The following COG6 variants were observed in gnomAD, a reference collection of about 807,000 sequenced individuals.
COG6 encodes conserved oligomeric Golgi complex subunit 6.
COG6 carries 74 observed loss-of-function variants against 88.8 expected under a neutral mutation model. That is an observed-to-expected ratio of 0.83 (90% CI 0.69 to 1.01). The LOEUF (loss-of-function observed/expected upper bound fraction) is 1.01, where lower values mean the gene tolerates loss of function less well. Ranked by LOEUF, COG6 falls within the 50% of genes least tolerant of loss-of-function variation. The pLI, the probability that COG6 is intolerant of heterozygous loss-of-function variation, is 0.00. For synonymous variants in COG6, 286 were observed against 278.7 expected, an observed-to-expected ratio of 1.03 and a Z score of -0.26; for missense variants, 800 against 797.9, an observed-to-expected ratio of 1.00 and a Z score of -0.03.
Position 39,719,299 on chromosome 13 carries a change from C to T in COG6, c.1348C>T (p.Arg450Cys), listed in dbSNP as rs532431660. The T allele has an allele frequency of 1.7e-5, 28 of 1,612,714 alleles. No homozygotes were observed. The highest frequency in any genetic ancestry group is 3.3e-5 in the South Asian group (3 of 91,050). ...ACTAAATCAGACACTCATGTTGCTG[C>T]GTGAAGTTTTAGCATCTCACGATTC... ...SALNQTLMLL[R>C]EVLASHDSSV... The change falls in exon 14 of 19, where the codon CGT becomes TGT. Residue 450 changes from arginine (R) to cysteine (C), a missense_variant. Coordinates refer to ENST00000455146, the MANE Select transcript of COG6 (RefSeq NM_020751.3).
At chr13:39,744,833 G>T (rs541451276) in intron 18 of COG6, among the ~76,000 whole-genome samples, 1 of 152,062 alleles carries the variant, frequency 6.6e-6, no homozygotes, top group Non-Finnish European at 1.5e-5. Flanking sequence ...GAGGCATCAC[G>T]CTACCTGACT....
chr13:39,781,478 T>C (rs1250112772), intron 18 of COG6, among the ~76,000 whole-genome samples: 13 of 150,290 alleles, frequency 8.6e-5, no homozygotes, highest in Non-Finnish European at 1.5e-4. Flanking sequence ...ACTAAATGGC[T>C]GGAATGGAAC....
At chr13:39,755,181 T>A (rs1461260126), downstream of COG6, among the ~76,000 whole-genome samples, 1 of 151,968 alleles carries the variant, frequency 6.6e-6, no homozygotes, top group Non-Finnish European at 1.5e-5. Context: ...CTGAGTTACT[T>A]AAAAAAAGAG....
chr13:39,709,720 T>C (rs1013604417), intron 13 of COG6, among the ~76,000 whole-genome samples: 2 of 152,150 alleles, frequency 1.3e-5, no homozygotes, highest in African/African-American at 4.8e-5. Context: ...GTAACACATA[T>C]ATGTGTGTGT....
chr13:39,735,660 C>T (rs899125102), intron 18 of COG6, among the ~76,000 whole-genome samples: 2 of 148,054 alleles, frequency 1.4e-5, no homozygotes, highest in Non-Finnish European at 3.0e-5. Flanking sequence ...GATTGAAGAA[C>T]TCTCTTTAGC....
At position 39,751,131 on chromosome 13, in the gene COG6, C is replaced by G; in HGVS notation, c.*38C>G. 6.2e-7 allele frequency: 1 copy of G among 1,610,806 alleles called. No individual in the cohort carries two copies. ...ATTGTGTTAGCAAAATATGACCTCCCTAAAACACTGAAGGTTATTTTTTAT... is the reference window on the plus strand; with the variant it reads ...ATTGTGTTAGCAAAATATGACCTCCGTAAAACACTGAAGGTTATTTTTTAT... On this transcript the variant is annotated 3_prime_UTR_variant, in exon 19 of 19. Coordinates refer to ENST00000455146, the MANE Select transcript of COG6 (RefSeq NM_020751.3).
intron 18 of COG6, among the ~76,000 whole-genome samples, chr13:39,762,634 C>T (rs199633901): frequency 1.2e-5 from 1 of 81,664 alleles, no homozygotes; most frequent in African/African-American, 3.3e-5. Context: ...TAAATAAGTA[C>T]AATTAAAAAA....
downstream of COG6, among the ~76,000 whole-genome samples, chr13:39,756,746 CG>C: frequency 6.8e-6 from 1 of 146,912 alleles, no homozygotes; most frequent in South Asian, 2.2e-4. Context: ...CTGGGCGGGG[CG>C]GGGGGCGGCA....
intron 18 of COG6, among the ~76,000 whole-genome samples, chr13:39,774,990 A>C (rs1357919736): frequency 5.3e-5 from 8 of 152,240 alleles, no homozygotes; most frequent in Non-Finnish European, 1.2e-4. Flanking sequence ...GAGGCTATAA[A>C]AATGCAAAGC....
intron 7 of COG6, among the ~76,000 whole-genome samples, chr13:39,681,432 T>C (rs1308380972): frequency 6.6e-6 from 1 of 152,216 alleles, no homozygotes; most frequent in African/African-American, 2.4e-5. Context: ...CAAATTTTTT[T>C]GTGCTCCCGC....
intron 1 of COG6, chr13:39,656,382 A>G (rs1477578257): frequency 2.9e-6 from 1 of 342,116 alleles, no homozygotes; most frequent in East Asian, 7.6e-5. Flanking sequence ...CGAAAGAACT[A>G]CCTTTGCCCG....
chr13:39,738,499 C>T (rs1400810410), intron 18 of COG6, among the ~76,000 whole-genome samples: 1 of 151,948 alleles, frequency 6.6e-6, no homozygotes, highest in Non-Finnish European at 1.5e-5. Flanking sequence ...GGTAAAAGAA[C>T]AAATGAGACA....
At chr13:39,707,244 T>C (rs889527256) in intron 13 of COG6, among the ~76,000 whole-genome samples, 5 of 151,868 alleles carry the variant, frequency 3.3e-5, no homozygotes, top group African/African-American at 1.2e-4. Context: ...TTCTCCTGCC[T>C]CAGCCTCCTG....
rs546118355 is a variant in COG6, at chr13:39,725,815, A to G, written c.1746+1254A>G. 1.1e-3 allele frequency among the ~76,000 whole-genome samples: 169 copies of G among 151,996 alleles called. 1 individual carries two copies. Among genetic ancestry groups the G allele is most frequent in the African/African-American group, 3.9e-3 (162 of 41,560 alleles). On this transcript the variant is annotated intron_variant, in intron 17 of 18. Transcript: ENST00000455146. The stretch of plus-strand genomic sequence containing the variant: ...AAAAGATATGTTTTTAGAAAGTTAT[A>G]TATACACTTACCATACTATCCAGTA...
chr13:39,672,828 C>T (rs1385403220), intron 4 of COG6, among the ~76,000 whole-genome samples: 2 of 151,936 alleles, frequency 1.3e-5, no homozygotes, highest in East Asian at 1.9e-4. Flanking sequence ...CACTGTTTTC[C>T]GAAGAAGCTG....
intron 8 of COG6, among the ~76,000 whole-genome samples, chr13:39,683,140 A>G (rs1289478067): frequency 6.6e-6 from 1 of 152,218 alleles, no homozygotes; most frequent in East Asian, 1.9e-4. Context: ...CTATGTGTTA[A>G]GCACCATTTT....
chr13:39,719,136 C>A, intron 13 of COG6, 100 bp from the exon 14 acceptor site: 1 of 1,098,628 alleles, frequency 9.1e-7, no homozygotes, highest in Non-Finnish European at 1.3e-6. Context: ...TGAGTCTGTG[C>A]TTTATAACTT....
intron 18 of COG6, among the ~76,000 whole-genome samples, chr13:39,743,435 C>T (rs1019874193): frequency 2.0e-5 from 3 of 152,044 alleles, no homozygotes; most frequent in East Asian, 1.9e-4. Context: ...ACCACTGATA[C>T]CACAGACATA....
chr13:39,699,370 T>G, intron 12 of COG6, 131 bp from the exon 13 acceptor site: 1 of 566,338 alleles, frequency 1.8e-6, no homozygotes, highest in Middle Eastern at 4.6e-4. Context: ...CTAGAGTATT[T>G]TTAATTCACA....
Sources: allele counts gnomAD v4.1 joint callset (sites outside exome capture counted in the v4.1 genomes callset), GRCh38; gene constraint gnomAD v4.1.1; transcripts MANE v1.5; gene names NCBI Gene and HGNC (gene_info 2026-07-23, HGNC 2026-07-21).